LGALS8: variants seen among roughly 807,000 people sequenced by gnomAD.
LGALS8 encodes the protein galectin 8, also known as galectin-8.
In LGALS8, 30 loss-of-function variants were observed where a neutral mutation model predicts 35.9. That is an observed-to-expected ratio of 0.83 (90% CI 0.62 to 1.13). The LOEUF is 1.13. LGALS8 is among the 50% of genes most tolerant of loss of function. The pLI, the probability that LGALS8 is intolerant of heterozygous loss-of-function variation, is 0.00. For missense variants in LGALS8, 366 were observed against 388.7 expected (o/e 0.94, Z 0.49); for synonymous variants, 138 against 136.1 (o/e 1.01, Z -0.10).
At chr1:236,542,495 A>G (rs970502794) in intron 6 of LGALS8, 3 of 518,674 alleles carry the variant, frequency 5.8e-6, no homozygotes, top group Admixed American at 6.7e-5. Context: ...AAAATTTCAT[A>G]TAGTTCTATG....
At chr1:236,520,129 G>A (rs762623706), upstream of LGALS8, among the ~76,000 whole-genome samples, 2 of 151,592 alleles carry the variant, frequency 1.3e-5, no homozygotes, top group African/African-American at 4.8e-5. Flanking sequence ...GCTAATTATT[G>A]TATTTTTAGT....
chr1:236,534,333 C>T (rs1260782622), intron 2 of LGALS8, among the ~76,000 whole-genome samples: 1 of 152,158 alleles, frequency 6.6e-6, no homozygotes, highest in Non-Finnish European at 1.5e-5. Flanking sequence ...AATAGAGAGC[C>T]TTGCATTTAA....
Position 236,549,106 on chromosome 1 carries a change from C to T in LGALS8, c.*945C>T. On this transcript the variant is annotated 3_prime_UTR_variant, in exon 10 of 10. Transcript: ENST00000366584. ...CAGAAAGTGTACGCCAACTAAGGGA[C>T]CCACAAAGCAGGCAGAGGTAATGCA... is the stretch of plus-strand genomic sequence containing the variant. 1 of 397,822 alleles carries T rather than the reference C, an allele frequency of 2.5e-6. No homozygotes were observed. The highest frequency in any genetic ancestry group is 4.4e-6 in the Non-Finnish European group (1 of 225,720). The allele number at this position is 397,822 out of a possible 1,614,324, so 24.6% of individuals were successfully genotyped here. A position where few individuals can be genotyped will look rare whatever the true frequency, so the allele number is the denominator to read the frequency against.
In LGALS8 at chr1:236,526,931, A is replaced by G. The variant is rs958745013; in HGVS notation, c.45+816A>G. 6.6e-6 allele frequency among the ~76,000 whole-genome samples: 1 copy of G among 152,088 alleles called. No individual in the cohort carries two copies. Among genetic ancestry groups the G allele is most frequent in the African/African-American group, 2.4e-5 (1 of 41,360 alleles). On this transcript the variant is annotated intron_variant, in intron 2 of 9. Coordinates refer to ENST00000366584, the MANE Select transcript of LGALS8 (RefSeq NM_201544.4). The surrounding 1 kb of genome is among the most constrained non-coding windows in gnomAD (Gnocchi z 4.6). ...TCCTTTTTCCCTAAGTTTTAATGTCATTGTGTAAGAATGAGGTATCGCTGC... is the reference window on the plus strand; with the variant it reads ...TCCTTTTTCCCTAAGTTTTAATGTCGTTGTGTAAGAATGAGGTATCGCTGC...
chr1:236,551,143 G>T lies in LGALS8; in HGVS notation c.*2982G>T. 1 of 615,044 alleles carries T rather than the reference G, an allele frequency of 1.6e-6. No homozygotes were observed. Among genetic ancestry groups the T allele is most frequent in the Non-Finnish European group, 2.8e-6 (1 of 361,938 alleles). The allele number at this position is 615,044 out of a possible 1,614,324, so 38.1% of individuals were successfully genotyped here. A position where few individuals can be genotyped will look rare whatever the true frequency, so the allele number is the denominator to read the frequency against. On this transcript the variant is annotated 3_prime_UTR_variant, in exon 10 of 10. Transcript: ENST00000366584. ...CATTAACAAAGCAGGAGGCGCCACGGACCGCCTCCCTCCACACCGCTCCTT... is the reference window on the plus strand; with the variant it reads ...CATTAACAAAGCAGGAGGCGCCACGTACCGCCTCCCTCCACACCGCTCCTT...
At chr1:236,545,489 G>A (rs983267539) in intron 9 of LGALS8, among the ~76,000 whole-genome samples, 4 of 152,162 alleles carry the variant, frequency 2.6e-5, no homozygotes, top group African/African-American at 7.2e-5. Flanking sequence ...CTTGTGATGC[G>A]GATGCCGGGT....
chr1:236,545,057 C>CCCTT (rs34357429), intron 9 of LGALS8, 142 bp downstream of exon 9: 360,550 of 578,658 alleles, frequency 0.62, 116,817 homozygotes, highest in Non-Finnish European at 0.67. Context: ...TGTAATTTGC[C>CCCTT]CCTTTTTATA....
chr1:236,540,418 G>A (rs1388621727), intron 4 of LGALS8, 146 bp from the exon 5 acceptor site: 16 of 850,242 alleles, frequency 1.9e-5, no homozygotes, highest in Admixed American at 3.8e-5. Context: ...GGGTGCTTTC[G>A]GTTACCATTT....
intron 3 of LGALS8, 88 bp from the exon 4 acceptor site, chr1:236,538,789 ACT>A: frequency 1.2e-6 from 1 of 864,590 alleles, no homozygotes; most frequent in Non-Finnish European, 2.0e-6. Flanking sequence ...GTCCCTTGTC[ACT>A]GGGCCTGGAG....
chr1:236,524,764 T>C (rs1660721729), intron 1 of LGALS8: 1 of 212,596 alleles, frequency 4.7e-6, no homozygotes, highest in African/African-American at 2.3e-5. Context: ...GCATCCATTC[T>C]TTTTGCTCTT....
chr1:236,552,148 A>AT lies in LGALS8; in HGVS notation c.*3987_*3988insT. On this transcript the variant is annotated 3_prime_UTR_variant, in exon 10 of 10. Transcript: ENST00000366584. Reference sequence around the variant, plus strand: ...GAGCAAAGAAATAAAAAGTAGTGTTACTGTATTTATTATCTTAAGAGCTGT... The same window carrying AT: ...GAGCAAAGAAATAAAAAGTAGTGTTATCTGTATTTATTATCTTAAGAGCTGT... 2 of 1,318,766 alleles carry AT rather than the reference A, an allele frequency of 1.5e-6. No individual in the cohort carries two copies. The highest frequency in any genetic ancestry group is 2.2e-6 in the Non-Finnish European group (2 of 916,826). 81.7% of individuals were successfully genotyped at this position (1,318,766 alleles called of 1,614,324 possible).
chr1:236,538,101 A>AAAAAAG lies in LGALS8; in HGVS notation c.134+519_134+520insAAGAAA, dbSNP rs371245157. ...GCCTGGGTGACAAAAAAAAAAAAGA[A>AAAAAAG]AAAGAAAAAGAATTAGGTATGTCAT... On this transcript the variant is annotated intron_variant, in intron 3 of 9. Transcript: ENST00000366584. 2.7e-4 allele frequency among the ~76,000 whole-genome samples: 26 copies of AAAAAAG among 96,086 alleles called. 2 individuals carry two copies. In the South Asian group the frequency reaches 2.8e-3, roughly 10 times the overall value. The allele number at this position is 96,086 out of a possible 152,430, so 63.0% of individuals were successfully genotyped here.
chr1:236,542,097 T>C (rs991193192), intron 6 of LGALS8, among the ~76,000 whole-genome samples: 1 of 152,098 alleles, frequency 6.6e-6, no homozygotes, highest in Non-Finnish European at 1.5e-5. Context: ...GAAAGTGAGG[T>C]CTTACCGACT....
At chr1:236,527,971 G>A (rs993116245) in intron 2 of LGALS8, among the ~76,000 whole-genome samples, 1 of 152,072 alleles carries the variant, frequency 6.6e-6, no homozygotes, top group Non-Finnish European at 1.5e-5. Flanking sequence ...CCTGACCTCA[G>A]GTGATGTGCC....
At chr1:236,529,319 T>A (rs1228575388) in intron 2 of LGALS8, among the ~76,000 whole-genome samples, 1 of 152,056 alleles carries the variant, frequency 6.6e-6, no homozygotes, top group East Asian at 1.9e-4. Context: ...CTGCGGCTCA[T>A]GCCTGTAATC....
At position 236,539,322 on chromosome 1, in the gene LGALS8, T is replaced by C. The variant is rs183302332; in HGVS notation, c.345+233T>C. On this transcript the variant is annotated intron_variant, in intron 4 of 9. Coordinates refer to ENST00000366584, the MANE Select transcript of LGALS8 (RefSeq NM_201544.4). The stretch of plus-strand genomic sequence containing the variant: ...AAATATGGTCCACTGTGACCAGATC[T>C]TTTTATTAGATCCTATTTCTCCTAG... 3.8e-4 allele frequency: 192 copies of C among 509,674 alleles called. No individual in the cohort carries two copies. In the East Asian group the frequency reaches 4.9e-3, roughly 13 times the overall value. 31.6% of individuals were successfully genotyped at this position (509,674 alleles called of 1,614,324 possible). A position where few individuals can be genotyped will look rare whatever the true frequency, so the allele number is the denominator to read the frequency against.
intron 8 of LGALS8, among the ~76,000 whole-genome samples, chr1:236,543,942 CATCTT>C (rs1662195812): frequency 8.6e-6 from 1 of 116,574 alleles, no homozygotes; most frequent in Non-Finnish European, 1.9e-5. Context: ...GATCAGGCAA[CATCTT>C]TTCTTTTTTT....
At chr1:236,545,030 T>C in intron 9 of LGALS8, 115 bp downstream of exon 9, 1 of 781,480 alleles carries the variant, frequency 1.3e-6, no homozygotes, top group Non-Finnish European at 2.0e-6. Context: ...GTGTATGTTT[T>C]TTGTTTACTT....
At chr1:236,539,953 G>C (rs1422053569) in intron 4 of LGALS8, 1 of 136,226 alleles carries the variant, frequency 7.3e-6, no homozygotes, top group East Asian at 2.1e-4. Flanking sequence ...AACCTAACGT[G>C]GTACCTGGCA....
Sources: allele counts gnomAD v4.1 joint callset (sites outside exome capture counted in the v4.1 genomes callset), GRCh38; gene constraint gnomAD v4.1.1; non-coding constraint Gnocchi (gnomAD v3.1); transcripts MANE v1.5; gene names NCBI Gene and HGNC (gene_info 2026-07-23, HGNC 2026-07-21).